The following RNF4 variants were observed in gnomAD, a reference collection of about 807,000 sequenced individuals.
RNF4 encodes ring finger protein 4.
In RNF4, 7 loss-of-function variants were observed where a neutral mutation model predicts 24.3. The observed-to-expected ratio is 0.29, with a 90% confidence interval of 0.16 to 0.54. The LOEUF (loss-of-function observed/expected upper bound fraction) is 0.54. Ranked by LOEUF, RNF4 falls within the 20% of genes least tolerant of loss-of-function variation. The pLI is 0.95. For synonymous variants in RNF4, 83 were observed against 84.3 expected, an observed-to-expected ratio of 0.98 and a Z score of 0.09; for missense variants, 209 against 248.5, an observed-to-expected ratio of 0.84 and a Z score of 1.07.
Position 2,486,938 on chromosome 4 carries a change from C to T in RNF4, c.-157-3399C>T, listed in dbSNP as rs535680459. 2.6e-5 allele frequency among the ~76,000 whole-genome samples: 4 copies of T among 152,208 alleles called. No individual in the cohort carries two copies. The East Asian group carries it at 7.7e-4, about 29-fold the overall frequency. On this transcript the variant is annotated intron_variant, in intron 1 of 7. Coordinates refer to ENST00000314289, the MANE Select transcript of RNF4 (RefSeq NM_002938.5). ...GATATTTCTTGAGATCAGAAACATT[C>T]GTGGATATGAGAACCCAGGACATGT...
intron 1 of RNF4, among the ~76,000 whole-genome samples, chr4:2,473,638 C>G (rs1366990212): frequency 6.7e-6 from 1 of 150,212 alleles, no homozygotes; most frequent in Non-Finnish European, 1.5e-5. Context: ...GGTGAAACCC[C>G]GTCTCTACTA....
intron 3 of RNF4, among the ~76,000 whole-genome samples, chr4:2,497,944 G>A (rs372656978): frequency 2.5e-4 from 38 of 152,122 alleles, no homozygotes; most frequent in East Asian, 2.3e-3. Context: ...ATGCAAACTC[G>A]CGTTTTAAAC....
chr4:2,500,763 G>A, intron 4 of RNF4, 25 bp downstream of exon 4: 8 of 1,610,638 alleles, frequency 5.0e-6, no homozygotes, highest in Non-Finnish European at 6.8e-6. Context: ...GTGAGAGTCG[G>A]CTGTTTCTTG....
chr4:2,485,842 T>C (rs1453023147), intron 1 of RNF4, among the ~76,000 whole-genome samples: 1 of 152,190 alleles, frequency 6.6e-6, no homozygotes, highest in Admixed American at 6.5e-5. Context: ...AGTGAGAGCA[T>C]ACTGGACGAG....
chr4:2,474,191 C>T (rs964679724), intron 1 of RNF4, among the ~76,000 whole-genome samples: 21 of 147,590 alleles, frequency 1.4e-4, no homozygotes, highest in African/African-American at 3.0e-4. Flanking sequence ...CTGGCTAACA[C>T]GGTGAAACAC....
In RNF4 at chr4:2,484,589, A is replaced by G. The variant is rs118155233; in HGVS notation, c.-157-5748A>G. ...CATCGTATACATATATACCATGAAT[A>G]CACATAATTATATGTCACACTCCTG... On this transcript the variant is annotated intron_variant, in intron 1 of 7. Coordinates refer to ENST00000314289, the MANE Select transcript of RNF4 (RefSeq NM_002938.5). Among the ~76,000 whole-genome samples, 87 of 151,578 alleles carry G rather than the reference A, an allele frequency of 5.7e-4. 2 individuals carry two copies. In the East Asian group the frequency reaches 0.017, roughly 29 times the overall value.
rs925200873 is a variant in RNF4 at position 2,490,362 on chromosome 4, C to T, written c.-132C>T. The T allele has an allele frequency of 6.4e-6, 5 of 779,528 alleles. No homozygotes were observed. In the South Asian group the frequency reaches 7.0e-5, roughly 11 times the overall value. 48.3% of individuals were successfully genotyped at this position (779,528 alleles called of 1,614,324 possible). The stretch of plus-strand genomic sequence containing the variant: ...GACTTGAAAATACTGGAAATCTGTC[C>T]GGATCCAAATTATTTTGCAAGCCAG... On this transcript the variant is annotated 5_prime_UTR_variant, in exon 2 of 8. Coordinates refer to ENST00000314289, the MANE Select transcript of RNF4 (RefSeq NM_002938.5).
chr4:2,472,794 C>T (rs1734947135), intron 1 of RNF4, among the ~76,000 whole-genome samples: 1 of 152,132 alleles, frequency 6.6e-6, no homozygotes, highest in African/African-American at 2.4e-5. Flanking sequence ...GTAATCCCAG[C>T]ACTTTGGGAG....
At chr4:2,500,536 A>G in intron 3 of RNF4, 123 bp from the exon 4 acceptor site, 1 of 915,694 alleles carries the variant, frequency 1.1e-6, no homozygotes, top group Non-Finnish European at 1.7e-6. Context: ...TTTGCAGTGT[A>G]TACTTCAGGA....
chr4:2,512,313 C>A lies in RNF4; in HGVS notation c.215-125C>A. 1 of 1,129,142 alleles carries A rather than the reference C, an allele frequency of 8.9e-7. No individual in the cohort carries two copies. The highest frequency in any genetic ancestry group is 1.3e-6 in the Non-Finnish European group (1 of 770,032). 69.9% of individuals were successfully genotyped at this position (1,129,142 alleles called of 1,614,324 possible). Reference sequence around the variant, plus strand: ...CCTTCTGGGTTATAGCTGAGCATGGCAGCAGTTTGTCTCTGGGGGTCCCAG... The same window carrying A: ...CCTTCTGGGTTATAGCTGAGCATGGAAGCAGTTTGTCTCTGGGGGTCCCAG... On this transcript the variant is annotated intron_variant, in intron 5 of 7. Transcript: ENST00000314289. This position sits in a 1 kb window ranked among gnomAD's most constrained non-coding sequence, Gnocchi z 4.1.
intron 3 of RNF4, among the ~76,000 whole-genome samples, chr4:2,498,274 C>T (rs988625080): frequency 2.0e-5 from 3 of 152,030 alleles, no homozygotes; most frequent in Non-Finnish European, 2.9e-5. Flanking sequence ...ACCTCTGCCT[C>T]CCAGGTTTAA....
chr4:2,477,083 A>G (rs1735100503), intron 1 of RNF4, among the ~76,000 whole-genome samples: 3 of 152,096 alleles, frequency 2.0e-5, no homozygotes, highest in Admixed American at 2.0e-4. Flanking sequence ...TGCCCTGCCT[A>G]CAGCCTCAAA....
In RNF4 at chr4:2,512,333, TC is replaced by T. The variant is rs940721975; in HGVS notation, c.215-102del. The T allele has an allele frequency of 2.0e-5, 27 of 1,347,464 alleles. No individual in the cohort carries two copies. The African/African-American group carries it at 3.6e-4, about 18-fold the overall frequency. 83.5% of individuals were successfully genotyped at this position (1,347,464 alleles called of 1,614,324 possible). A position where few individuals can be genotyped will look rare whatever the true frequency, so the allele number is the denominator to read the frequency against. On this transcript the variant is annotated intron_variant, in intron 5 of 7. Transcript: ENST00000314289. The surrounding 1 kb of genome is among the most constrained non-coding windows in gnomAD (Gnocchi z 4.1). ...CATGGCAGCAGTTTGTCTCTGGGGGTCCCAGGCAGGGAAGGAAGAGGGTCTT... is the reference window on the plus strand; with the variant it reads ...CATGGCAGCAGTTTGTCTCTGGGGGTCCAGGCAGGGAAGGAAGAGGGTCTT...
intron 1 of RNF4, among the ~76,000 whole-genome samples, chr4:2,483,553 C>CA (rs971558693): frequency 9.2e-5 from 14 of 152,140 alleles, no homozygotes; most frequent in African/African-American, 3.4e-4. Flanking sequence ...CCTATAATCC[C>CA]AGCACTTTGG....
intron 2 of RNF4, among the ~76,000 whole-genome samples, chr4:2,492,592 G>T (rs1364079501): frequency 6.6e-6 from 1 of 152,224 alleles, no homozygotes; most frequent in Non-Finnish European, 1.5e-5. Context: ...ACTGTGAATG[G>T]TATGGGAAGA....
intron 2 of RNF4, among the ~76,000 whole-genome samples, chr4:2,494,373 CTTTTTT>C (rs753327529): frequency 3.1e-5 from 3 of 98,232 alleles, no homozygotes; most frequent in Admixed American, 1.3e-4. Flanking sequence ...CAACTTAGAA[CTTTTTT>C]TTTTTTTTTT....
intron 1 of RNF4, among the ~76,000 whole-genome samples, chr4:2,474,075 T>A (rs879785224): frequency 2.7e-5 from 4 of 148,950 alleles, no homozygotes; most frequent in African/African-American, 5.0e-5. Context: ...AGTGAGACTT[T>A]GTCTCAAAAA....
chr4:2,490,872 A>T (rs1446829620), intron 2 of RNF4: 1 of 174,798 alleles, frequency 5.7e-6, no homozygotes, highest in Non-Finnish European at 1.2e-5. Context: ...GCGTGAAGGT[A>T]AAAAGATTAC....
At chr4:2,493,067 A>G (rs1160138245) in intron 2 of RNF4, among the ~76,000 whole-genome samples, 1 of 152,136 alleles carries the variant, frequency 6.6e-6, no homozygotes. Context: ...GGAGGGCCAG[A>G]GTGGGGAGCT....
Sources: gnomAD v4.1 joint callset for allele counts (sites outside exome capture counted in the v4.1 genomes callset) on GRCh38, gnomAD v4.1.1 for gene constraint, Gnocchi (gnomAD v3.1) non-coding constraint, MANE v1.5 for transcripts, NCBI Gene and HGNC (gene_info 2026-07-23, HGNC 2026-07-21) for gene names.